FOXP1: variants seen among roughly 807,000 people sequenced by gnomAD.
The protein encoded by FOXP1 is forkhead box protein P1.
In FOXP1, 15 loss-of-function variants were observed where a neutral mutation model predicts 98.2. The observed-to-expected ratio is 0.15, with a 90% CI of 0.10 to 0.24. The LOEUF is 0.24. Ranked by LOEUF, FOXP1 falls within the 10% of genes least tolerant of loss-of-function variation. FOXP1 has a pLI of 1.00. For synonymous variants in FOXP1, 371 were observed against 314.5 expected (o/e 1.18, Z -1.90); for missense variants, 633 against 848.5 (o/e 0.75, Z 3.15).
intron 2 of FOXP1, among the ~76,000 whole-genome samples, chr3:71,508,145 G>A (rs1449683751): frequency 6.6e-6 from 1 of 152,120 alleles, no homozygotes; most frequent in Non-Finnish European, 1.5e-5. Flanking sequence ...ATTTATGGCT[G>A]CATTAAGTAT....
At chr3:71,157,491 C>G (rs1319567719) in intron 6 of FOXP1, among the ~76,000 whole-genome samples, 2 of 152,160 alleles carry the variant, frequency 1.3e-5, no homozygotes, top group African/African-American at 4.8e-5. Flanking sequence ...AAAGTCAAAT[C>G]ATTAAATCTG....
chr3:71,206,667 A>C (rs1042339171), intron 5 of FOXP1, among the ~76,000 whole-genome samples: 1 of 152,248 alleles, frequency 6.6e-6, no homozygotes, highest in Non-Finnish European at 1.5e-5. Flanking sequence ...AGTTGTTCAG[A>C]GCAACTGTAA....
chr3:71,508,236 A>G (rs748767459), intron 2 of FOXP1, among the ~76,000 whole-genome samples: 5 of 152,236 alleles, frequency 3.3e-5, no homozygotes, highest in Non-Finnish European at 5.9e-5. Flanking sequence ...CACTACAGAT[A>G]ATGTTTATTC....
At chr3:71,492,464 GA>G (rs1161626347) in intron 3 of FOXP1, among the ~76,000 whole-genome samples, 5 of 148,604 alleles carry the variant, frequency 3.4e-5, no homozygotes, top group African/African-American at 1.2e-4. Context: ...AAAAAAAAAA[GA>G]AAAAAAATCA....
At chr3:71,154,753 A>G (rs1338279963) in intron 6 of FOXP1, among the ~76,000 whole-genome samples, 9 of 152,192 alleles carry the variant, frequency 5.9e-5, no homozygotes, top group Admixed American at 5.9e-4. Context: ...TTGTGAGGAT[A>G]AAGTAAGACA....
At chr3:71,083,114 T>G (rs1422088238) in intron 7 of FOXP1, among the ~76,000 whole-genome samples, 2 of 152,182 alleles carry the variant, frequency 1.3e-5, no homozygotes, top group Non-Finnish European at 2.9e-5. Flanking sequence ...TGTGTTGAAC[T>G]GTAATCCCCA....
chr3:71,463,728 G>A (rs111951211), intron 3 of FOXP1, among the ~76,000 whole-genome samples: 47 of 152,256 alleles, frequency 3.1e-4, no homozygotes, highest in Non-Finnish European at 5.7e-4. Flanking sequence ...TCATGACTGC[G>A]TCTTGACCCC....
intron 9 of FOXP1, among the ~76,000 whole-genome samples, chr3:71,048,749 C>G (rs1180770052): frequency 1.5e-5 from 2 of 134,780 alleles, no homozygotes; most frequent in Non-Finnish European, 3.1e-5. Flanking sequence ...GAGAAAAAAA[C>G]AACATTGACA....
chr3:71,565,397 C>T (rs2107762155), intron 2 of FOXP1, among the ~76,000 whole-genome samples: 2 of 152,092 alleles, frequency 1.3e-5, no homozygotes, highest in South Asian at 4.2e-4. Context: ...GTGTAAAACT[C>T]GTTGGGTAAG....
At chr3:71,188,661 G>A (rs958878428) in intron 6 of FOXP1, among the ~76,000 whole-genome samples, 6 of 152,042 alleles carry the variant, frequency 3.9e-5, no homozygotes, top group Non-Finnish European at 7.4e-5. Context: ...CAGGTGATCC[G>A]CCCACCTCGC....
At chr3:71,537,389 A>G (rs1188265606) in intron 2 of FOXP1, among the ~76,000 whole-genome samples, 9 of 152,228 alleles carry the variant, frequency 5.9e-5, no homozygotes, top group Non-Finnish European at 1.0e-4. Flanking sequence ...GTATTGGCTC[A>G]GCAGTATGGA....
upstream of FOXP1, chr3:71,583,930 C>A (rs1392126662): frequency 2.0e-6 from 2 of 983,924 alleles, no homozygotes; most frequent in Admixed American, 1.2e-4. Flanking sequence ...ACTCCAGCGG[C>A]CCCCCGAGCG....
intron 4 of FOXP1, among the ~76,000 whole-genome samples, chr3:71,306,504 C>A (rs1351390588): frequency 6.7e-6 from 1 of 149,666 alleles, no homozygotes; most frequent in Non-Finnish European, 1.5e-5. Context: ...TGACTCTGTA[C>A]CTACAAAGAT....
chr3:71,428,496 G>C (rs1027253230), intron 3 of FOXP1, among the ~76,000 whole-genome samples: 1 of 152,232 alleles, frequency 6.6e-6, no homozygotes, highest in East Asian at 1.9e-4. Flanking sequence ...CCACCCCTTC[G>C]GGTTTGGAAA....
intron 5 of FOXP1, among the ~76,000 whole-genome samples, chr3:71,255,059 T>A (rs1319406020): frequency 6.6e-6 from 1 of 152,160 alleles, no homozygotes; most frequent in African/African-American, 2.4e-5. Context: ...ATAAATGCAC[T>A]TGAAAGAAAC....
intron 7 of FOXP1, among the ~76,000 whole-genome samples, chr3:71,064,148 T>C (rs1412799493): frequency 6.6e-6 from 1 of 152,174 alleles, no homozygotes; most frequent in Non-Finnish European, 1.5e-5. Flanking sequence ...GCCAGAGTGT[T>C]CCATTCGCTC....
At chr3:71,361,031 T>C (rs1336698508) in intron 3 of FOXP1, among the ~76,000 whole-genome samples, 1 of 152,206 alleles carries the variant, frequency 6.6e-6, no homozygotes, top group African/African-American at 2.4e-5. Flanking sequence ...ATAAACTCTT[T>C]GCACATGACT....
chr3:71,390,380 A>G (rs940425372), intron 3 of FOXP1, among the ~76,000 whole-genome samples: 3 of 152,214 alleles, frequency 2.0e-5, no homozygotes, highest in African/African-American at 7.2e-5. Context: ...AGGAATTTCC[A>G]TATCTCAGTG....
intron 5 of FOXP1, among the ~76,000 whole-genome samples, chr3:71,279,033 A>G (rs1259190999): frequency 6.6e-6 from 1 of 151,976 alleles, no homozygotes; most frequent in Non-Finnish European, 1.5e-5. Context: ...CTTCTACTAA[A>G]AATACAAAAA....
Sources: gnomAD v4.1 joint callset for allele counts (sites outside exome capture counted in the v4.1 genomes callset) on GRCh38, gnomAD v4.1.1 for gene constraint, MANE v1.5 for transcripts, NCBI Gene and HGNC (gene_info 2026-07-23, HGNC 2026-07-21) for gene names.